DDAH1: variants seen among roughly 807,000 people sequenced by gnomAD.
DDAH1 encodes the protein N(G),N(G)-dimethylarginine dimethylaminohydrolase 1.
Under a neutral mutation model 28.8 loss-of-function variants are expected in DDAH1, and 19 were observed. The observed-to-expected ratio is 0.66, with a 90% confidence interval of 0.46 to 0.97. The LOEUF (loss-of-function observed/expected upper bound fraction) is 0.97, where lower values mean the gene tolerates loss of function less well. DDAH1 is among the 50% of genes least tolerant of loss of function. The pLI, the probability that DDAH1 is intolerant of heterozygous loss-of-function variation, is 0.00. For missense variants in DDAH1, 326 were observed against 375.9 expected, an observed-to-expected ratio of 0.87 and a Z score of 1.10; for synonymous variants, 153 against 154.4, an observed-to-expected ratio of 0.99 and a Z score of 0.07.
At chr1:85,503,666 T>C (rs1370102319) in intron 1 of DDAH1, among the ~76,000 whole-genome samples, 1 of 152,156 alleles carries the variant, frequency 6.6e-6, no homozygotes, top group Non-Finnish European at 1.5e-5. Context: ...AGATGCCTGC[T>C]ATCATGGAGC....
chr1:85,394,567 A>C (rs1412696896), intron 1 of DDAH1, among the ~76,000 whole-genome samples: 1 of 152,234 alleles, frequency 6.6e-6, no homozygotes, highest in Admixed American at 6.5e-5. Context: ...CTAGTTCAAT[A>C]AAACAGTGTG....
intron 1 of DDAH1, among the ~76,000 whole-genome samples, chr1:85,423,912 C>T (rs1232566624): frequency 6.6e-6 from 1 of 152,072 alleles, no homozygotes; most frequent in South Asian, 2.1e-4. Flanking sequence ...GTATGTGTTG[C>T]GATTTTTATC....
chr1:85,530,342 C>T (rs1467303474), intron 1 of DDAH1, among the ~76,000 whole-genome samples: 5 of 152,134 alleles, frequency 3.3e-5, no homozygotes, highest in African/African-American at 7.2e-5. Flanking sequence ...TGGCACTTGC[C>T]GTCACTGTCC....
At chr1:85,416,426 C>G (rs1418120351) in intron 1 of DDAH1, among the ~76,000 whole-genome samples, 1 of 152,020 alleles carries the variant, frequency 6.6e-6, no homozygotes, top group East Asian at 1.9e-4. Flanking sequence ...AACTTCTGAC[C>G]TCAGGTGATC....
At chr1:85,541,458 CTG>C (rs1001692059) in intron 1 of DDAH1, among the ~76,000 whole-genome samples, 1 of 152,184 alleles carries the variant, frequency 6.6e-6, no homozygotes, top group Non-Finnish European at 1.5e-5. Flanking sequence ...TCATAGGAAA[CTG>C]TTATTTTTTT....
intron 4 of DDAH1, among the ~76,000 whole-genome samples, chr1:85,337,455 A>AT (rs1648207324): frequency 2.4e-4 from 37 of 151,124 alleles, no homozygotes; most frequent in Admixed American, 2.4e-3. Flanking sequence ...CAATAAAACT[A>AT]ATTTTTTTTT....
intron 2 of DDAH1, among the ~76,000 whole-genome samples, chr1:85,473,513 GGCTCT>G (rs1655690231): frequency 6.6e-6 from 1 of 151,704 alleles, no homozygotes; most frequent in African/African-American, 2.4e-5. Flanking sequence ...ACGCGCACAG[GGCTCT>G]GATAACCCCC....
At chr1:85,553,055 C>G (rs1224349968) in intron 1 of DDAH1, among the ~76,000 whole-genome samples, 2 of 152,142 alleles carry the variant, frequency 1.3e-5, no homozygotes, top group Non-Finnish European at 2.9e-5. Flanking sequence ...GATATCCAAC[C>G]ACCCTGAGAC....
intron 1 of DDAH1, among the ~76,000 whole-genome samples, chr1:85,419,120 A>G (rs903266790): frequency 4.6e-5 from 7 of 152,190 alleles, no homozygotes; most frequent in Admixed American, 4.6e-4. Context: ...TGCTTTTCCT[A>G]GGAAAAAGCC....
At chr1:85,321,994 G>T (rs989609893) in intron 5 of DDAH1, among the ~76,000 whole-genome samples, 1 of 152,104 alleles carries the variant, frequency 6.6e-6, no homozygotes. Context: ...GCTCACTGCA[G>T]CCTCAACTTC....
chr1:85,358,934 C>T, intron 1 of DDAH1, 87 bp from the exon 2 acceptor site: 3 of 920,606 alleles, frequency 3.3e-6, no homozygotes, highest in Non-Finnish European at 5.1e-6. Flanking sequence ...CTAAATCAAG[C>T]TCTCGTGCAC....
chr1:85,493,990 T>C (rs1259564465), intron 2 of DDAH1: 1 of 152,242 alleles, frequency 6.6e-6, no homozygotes, highest in Non-Finnish European at 1.5e-5. Context: ...GTGAAACTGA[T>C]GTTCAAAAGT....
chr1:85,395,857 A>T (rs1163855376), intron 1 of DDAH1, among the ~76,000 whole-genome samples: 1 of 152,146 alleles, frequency 6.6e-6, no homozygotes, highest in Admixed American at 6.5e-5. Context: ...TATTTTTAAA[A>T]TTTTAAAACA....
At chr1:85,415,682 A>AAAT (rs1652859703) in intron 1 of DDAH1, among the ~76,000 whole-genome samples, 1 of 152,164 alleles carries the variant, frequency 6.6e-6, no homozygotes, top group South Asian at 2.1e-4. Context: ...ATTTGGGGGG[A>AAAT]AATAGACAAG....
chr1:85,424,556 A>C (rs535330226), intron 1 of DDAH1, among the ~76,000 whole-genome samples: 1 of 152,150 alleles, frequency 6.6e-6, no homozygotes, highest in South Asian at 2.1e-4. Flanking sequence ...CATGCTTTTT[A>C]AAAAACTATT....
At position 85,319,063 on chromosome 1, in the gene DDAH1, T is replaced by G. The variant is rs552697978; in HGVS notation, c.*2389A>C. On this transcript the variant is annotated 3_prime_UTR_variant, in exon 6 of 6. Coordinates refer to ENST00000284031, the MANE Select transcript of DDAH1 (RefSeq NM_012137.4). ...CCGTTAGTTTATCCATTGGTGTATA[T>G]CACAACAGATGAGGAAAACTTATGT... is the stretch of plus-strand genomic sequence containing the variant. 150 of 152,366 alleles carry G rather than the reference T, an allele frequency of 9.8e-4. 1 individual carries two copies. The highest frequency in any genetic ancestry group is 3.5e-3 in the African/African-American group (146 of 41,590). The allele number at this position is 152,366 out of a possible 1,614,324, so 9.4% of individuals were successfully genotyped here.
At chr1:85,476,290 C>T (rs1223685216) in intron 2 of DDAH1, among the ~76,000 whole-genome samples, 1 of 152,078 alleles carries the variant, frequency 6.6e-6, no homozygotes, top group East Asian at 1.9e-4. Context: ...TGTTGATGCA[C>T]AAAAAACTAC....
chr1:85,461,198 T>G (rs485987), intron 1 of DDAH1, among the ~76,000 whole-genome samples: 141,667 of 152,268 alleles, frequency 0.93, 66,325 homozygotes, highest in Non-Finnish European at 0.98. Context: ...TCTAACGGCT[T>G]ATTTTTCTTT....
chr1:85,482,228 T>G (rs1028968444), intron 2 of DDAH1: 1 of 152,210 alleles, frequency 6.6e-6, no homozygotes, highest in Admixed American at 6.5e-5. Flanking sequence ...ATGTAGGAGT[T>G]AATGAAACCA....
Sources: gnomAD v4.1 joint callset for allele counts (sites outside exome capture counted in the v4.1 genomes callset) on GRCh38, gnomAD v4.1.1 for gene constraint, MANE v1.5 for transcripts, NCBI Gene and HGNC (gene_info 2026-07-23, HGNC 2026-07-21) for gene names.